KLB: variants seen among roughly 807,000 people sequenced by gnomAD.
KLB encodes the protein beta-klotho.
KLB carries 44 observed loss-of-function variants against 88.4 expected under a neutral mutation model. The ratio of observed to expected loss-of-function variants is 0.50; its 90% CI spans 0.39 to 0.64. The LOEUF is 0.64. Among genes scored for constraint, KLB ranks in the 30% least tolerant of loss-of-function variants. The probability of loss-of-function intolerance (pLI) is 0.00; values close to 1 mark genes in which losing one functional copy is unlikely to be tolerated. For missense variants in KLB, 1,137 were observed against 1,304.8 expected (o/e 0.87, Z 1.98); for synonymous variants, 548 against 513.4 (o/e 1.07, Z -0.91).
intron 1 of KLB, among the ~76,000 whole-genome samples, chr4:39,432,207 A>G (rs1229967750): frequency 6.6e-6 from 1 of 152,168 alleles, no homozygotes; most frequent in Non-Finnish European, 1.5e-5. Context: ...CGATCACTTG[A>G]ACCTGAGAGG....
chr4:39,428,708 T>C (rs1438107445), intron 1 of KLB, among the ~76,000 whole-genome samples: 1 of 152,178 alleles, frequency 6.6e-6, no homozygotes, highest in Non-Finnish European at 1.5e-5. Context: ...TATTTATTTA[T>C]TAGTTTAATT....
rs1743877861 is a variant in KLB, at chr4:39,450,873, AAAG to A, written c.*2188_*2190del. On this transcript the variant is annotated 3_prime_UTR_variant, in exon 5 of 5. Coordinates refer to ENST00000257408, the MANE Select transcript of KLB (RefSeq NM_175737.4). Reference sequence around the variant, plus strand: ...ATCAAGGGCTTGGGAAAAAAAAAAAAAAGGTTAGCCACAGGAATAACAAAAACC... The same window carrying A: ...ATCAAGGGCTTGGGAAAAAAAAAAAAGTTAGCCACAGGAATAACAAAAACC... 6.6e-6 allele frequency: 1 copy of A among 151,824 alleles called. No homozygotes were observed. Among genetic ancestry groups the A allele is most frequent in the Non-Finnish European group, 1.5e-5 (1 of 67,936 alleles). 9.4% of individuals were successfully genotyped at this position (151,824 alleles called of 1,614,324 possible). A position where few individuals can be genotyped will look rare whatever the true frequency, so the allele number is the denominator to read the frequency against.
intron 1 of KLB, among the ~76,000 whole-genome samples, chr4:39,412,276 T>A (rs1418609730): frequency 3.3e-5 from 5 of 152,118 alleles, no homozygotes; most frequent in African/African-American, 1.2e-4. Flanking sequence ...AGGACATAAA[T>A]AAATAAATAT....
intron 1 of KLB, among the ~76,000 whole-genome samples, chr4:39,424,527 A>G (rs1277255955): frequency 1.3e-5 from 2 of 151,804 alleles, no homozygotes; most frequent in Admixed American, 6.5e-5. Flanking sequence ...ACCTGAAGCT[A>G]AAGCTTCATT....
intron 1 of KLB, among the ~76,000 whole-genome samples, chr4:39,425,225 G>T (rs1047842932): frequency 6.6e-6 from 1 of 152,160 alleles, no homozygotes; most frequent in Non-Finnish European, 1.5e-5. Context: ...ATCAAATTAT[G>T]AACTTTATTC....
chr4:39,419,376 G>C (rs1743029850), intron 1 of KLB, among the ~76,000 whole-genome samples: 1 of 152,078 alleles, frequency 6.6e-6, no homozygotes, highest in African/African-American at 2.4e-5. Flanking sequence ...TGCTGGACAT[G>C]ATGAAACTAT....
chr4:39,423,251 C>T (rs1400481662), intron 1 of KLB, among the ~76,000 whole-genome samples: 1 of 149,364 alleles, frequency 6.7e-6, no homozygotes, highest in African/African-American at 2.5e-5. Flanking sequence ...CACATAGAAG[C>T]GCTGTGCTAG....
Position 39,407,289 on chromosome 4 carries a change from A to G in KLB, c.340A>G (p.Ile114Val). Residue 114 changes from isoleucine to valine, a missense_variant, in exon 1 of 5, where the codon ATC becomes GTC. Around this residue, in one of 4 missense-constraint regions of KLB, gnomAD observed 597 missense variants for 765.2 expected, o/e 0.78. Transcript: ENST00000257408. ...GKGPSIWDHFIHTHLKNVSST... is the reference protein window; with the variant it reads ...GKGPSIWDHFVHTHLKNVSST... ...AGGACCTTCTATATGGGATCATTTCATCCACACACACCTTAAAAATGTCAG... is the reference window on the plus strand; with the variant it reads ...AGGACCTTCTATATGGGATCATTTCGTCCACACACACCTTAAAAATGTCAG... The G allele has an allele frequency of 6.2e-7, 1 of 1,614,134 alleles. No homozygotes were observed. Among genetic ancestry groups the G allele is most frequent in the Non-Finnish European group, 8.5e-7 (1 of 1,179,968 alleles).
chr4:39,434,938 C>A (rs1452826187), intron 2 of KLB, among the ~76,000 whole-genome samples: 1 of 151,708 alleles, frequency 6.6e-6, no homozygotes, highest in African/African-American at 2.4e-5. Context: ...TCCCAAGTAG[C>A]TGGGATTACA....
chr4:39,418,180 T>G (rs1022932148), intron 1 of KLB, among the ~76,000 whole-genome samples: 1 of 152,226 alleles, frequency 6.6e-6, no homozygotes, highest in African/African-American at 2.4e-5. Flanking sequence ...TTTAATTATT[T>G]GCTCAAAATT....
chr4:39,422,534 G>C (rs995539242), intron 1 of KLB, among the ~76,000 whole-genome samples: 1 of 152,090 alleles, frequency 6.6e-6, no homozygotes, highest in Non-Finnish European at 1.5e-5. Flanking sequence ...TTAGGTGAGA[G>C]AGTATACACA....
intron 1 of KLB, among the ~76,000 whole-genome samples, chr4:39,425,585 C>A (rs1459376724): frequency 6.6e-6 from 1 of 152,040 alleles, no homozygotes; most frequent in Non-Finnish European, 1.5e-5. Flanking sequence ...GGACTACAGG[C>A]ACATGCCACC....
At chr4:39,435,369 C>T (rs1327426176) in intron 2 of KLB, among the ~76,000 whole-genome samples, 3 of 152,122 alleles carry the variant, frequency 2.0e-5, no homozygotes, top group African/African-American at 2.4e-5. Context: ...CCACTCGCCT[C>T]GGCCTCCCAA....
rs1743037142 is a variant in KLB at position 39,419,724 on chromosome 4, C to T, written c.825+11950C>T. 3.5e-5 allele frequency among the ~76,000 whole-genome samples: 5 copies of T among 143,566 alleles called. No individual in the cohort carries two copies. In the South Asian group the frequency reaches 8.6e-4, roughly 25 times the overall value. The allele number at this position is 143,566 out of a possible 152,430, so 94.2% of individuals were successfully genotyped here. A position where few individuals can be genotyped will look rare whatever the true frequency, so the allele number is the denominator to read the frequency against. ...CCAGAAGGCGGAGGTTGCAGTGAGC[C>T]AAGATCGCACCACTGCACTCCAGTC... On this transcript the variant is annotated intron_variant, in intron 1 of 4. Coordinates refer to ENST00000257408, the MANE Select transcript of KLB (RefSeq NM_175737.4).
chr4:39,443,239 G>A (rs969203432), intron 3 of KLB, among the ~76,000 whole-genome samples: 1 of 152,016 alleles, frequency 6.6e-6, no homozygotes, highest in African/African-American at 2.4e-5. Context: ...GGTGGCATTT[G>A]TGGCTAGGCA....
intron 1 of KLB, among the ~76,000 whole-genome samples, chr4:39,413,458 C>T (rs773803277): frequency 2.6e-5 from 4 of 152,054 alleles, no homozygotes; most frequent in Non-Finnish European, 5.9e-5. Flanking sequence ...GCCTGTAATC[C>T]TAGCACTTTG....
chr4:39,424,755 G>A (rs1162224212), intron 1 of KLB, among the ~76,000 whole-genome samples: 1 of 151,668 alleles, frequency 6.6e-6, no homozygotes, highest in Non-Finnish European at 1.5e-5. Flanking sequence ...CAGCCTCCCT[G>A]GTAGCTGGGA....
At chr4:39,441,901 T>C (rs1743606046) in intron 3 of KLB, 1 of 152,194 alleles carries the variant, frequency 6.6e-6, no homozygotes, top group South Asian at 2.1e-4. Flanking sequence ...GAAAACTAGA[T>C]GTCCTCTATA....
At chr4:39,448,058 A>T (rs993682526) in intron 4 of KLB, among the ~76,000 whole-genome samples, 4 of 152,134 alleles carry the variant, frequency 2.6e-5, no homozygotes, top group Admixed American at 2.0e-4. Context: ...TTTTTCCTCC[A>T]AGAGTTTTTG....
Sources: allele counts gnomAD v4.1 joint callset (sites outside exome capture counted in the v4.1 genomes callset), GRCh38; gene constraint gnomAD v4.1.1; regional missense constraint gnomAD v4.1.1; transcripts MANE v1.5; gene names NCBI Gene and HGNC (gene_info 2026-07-23, HGNC 2026-07-21).